Variants in DPP6 observed in about 807,000 individuals in gnomAD.
DPP6 encodes dipeptidyl peptidase like 6.
A neutral mutation model predicts 122.6 loss-of-function variants in DPP6; 69 were observed. The observed-to-expected ratio is 0.56, with a 90% CI of 0.46 to 0.69. The LOEUF is 0.69. Ranked by LOEUF, DPP6 falls within the 30% of genes least tolerant of loss-of-function variation. The pLI is 0.00. For synonymous variants in DPP6, 418 were observed against 433.1 expected (o/e 0.97, Z 0.43); for missense variants, 928 against 1,116.9 (o/e 0.83, Z 2.41).
At chr7:153,859,682 A>C in the DPP6 span, among the ~76,000 whole-genome samples, 1 of 152,216 alleles carries the variant, frequency 6.6e-6, no homozygotes, top group South Asian at 2.1e-4. Flanking sequence ...GCTATGAAGA[A>C]ATACCCAGAC....
intron 3 of DPP6, among the ~76,000 whole-genome samples, chr7:154,497,992 G>A (rs1308739863): frequency 6.6e-6 from 1 of 152,106 alleles, no homozygotes; most frequent in African/African-American, 2.4e-5. Context: ...TCTCTATCAT[G>A]GCAATCAGAA....
intron 1 of DPP6, among the ~76,000 whole-genome samples, chr7:154,128,547 G>GCC (rs779655818): frequency 2.3e-3 from 343 of 152,134 alleles, no homozygotes; most frequent in Non-Finnish European, 3.8e-3. Flanking sequence ...GACTACAGGC[G>GCC]CCCGCCACCG....
At chr7:153,907,077 A>G (rs1294636923) in intron 1 of DPP6, among the ~76,000 whole-genome samples, 2 of 152,208 alleles carry the variant, frequency 1.3e-5, no homozygotes, top group Non-Finnish European at 2.9e-5. Flanking sequence ...AGAAATTTCC[A>G]TACTGTTTCC....
chr7:154,680,196 G>A (rs1382881853), intron 7 of DPP6, among the ~76,000 whole-genome samples: 1 of 152,164 alleles, frequency 6.6e-6, no homozygotes. Flanking sequence ...GACATCAGGA[G>A]GAGGTGGAGA....
chr7:154,364,424 C>T (rs552326662), intron 1 of DPP6, among the ~76,000 whole-genome samples: 85 of 152,248 alleles, frequency 5.6e-4, no homozygotes, highest in African/African-American at 2.0e-3. Flanking sequence ...TTGAATTACC[C>T]AGTTCATGTA....
chr7:154,085,827 A>G (rs991609054), intron 1 of DPP6, among the ~76,000 whole-genome samples: 2 of 152,202 alleles, frequency 1.3e-5, no homozygotes, highest in African/African-American at 4.8e-5. Context: ...TTCCAGGTTC[A>G]AGCGGTTCTT....
chr7:154,497,229 T>C (rs1824822155), intron 3 of DPP6, among the ~76,000 whole-genome samples: 1 of 152,150 alleles, frequency 6.6e-6, no homozygotes, highest in African/African-American at 2.4e-5. Context: ...CTCTTCTAGT[T>C]TGTACTATAC....
intron 1 of DPP6, among the ~76,000 whole-genome samples, chr7:154,395,237 A>G (rs1389029698): frequency 6.6e-6 from 1 of 152,092 alleles, no homozygotes; most frequent in African/African-American, 2.4e-5. Flanking sequence ...TGCCTTCTTG[A>G]CCTAATCAAC....
At chr7:153,896,044 G>T (rs1390213480) in intron 1 of DPP6, among the ~76,000 whole-genome samples, 2 of 152,216 alleles carry the variant, frequency 1.3e-5, no homozygotes, top group Admixed American at 6.5e-5. Flanking sequence ...ACTGCACTGG[G>T]TCTCACTACG....
chr7:154,832,225 G>A (rs1800687227), intron 16 of DPP6, among the ~76,000 whole-genome samples: 1 of 152,184 alleles, frequency 6.6e-6, no homozygotes, highest in South Asian at 2.1e-4. Context: ...AGGGGCTTGT[G>A]TTGGAGGGAG....
Position 153,997,590 on chromosome 7 carries a change from A to G in DPP6, c.51+109856A>G, listed in dbSNP as rs1385512849. On this transcript the variant is annotated intron_variant, in intron 1 of 25. Coordinates refer to the DPP6 transcript ENST00000404039. ...TTTTATTCTCTTTGAGTATGAGTGC[A>G]CAGCACACACACACACACACACACA... Among the ~76,000 whole-genome samples, 5 of 35,080 alleles carry G rather than the reference A, an allele frequency of 1.4e-4. No homozygotes were observed. In the East Asian group the frequency reaches 3.1e-3, roughly 22 times the overall value. The allele number at this position is 35,080 out of a possible 152,430, so 23.0% of individuals were successfully genotyped here.
chr7:154,288,575 GTCA>G (rs999232547), intron 1 of DPP6, among the ~76,000 whole-genome samples: 34 of 152,308 alleles, frequency 2.2e-4, no homozygotes, highest in African/African-American at 8.2e-4. Flanking sequence ...GTTGAACAAT[GTCA>G]TCATGTGTAA....
intron 4 of DPP6, among the ~76,000 whole-genome samples, chr7:154,562,460 A>G (rs79364058): frequency 1.2e-3 from 187 of 152,294 alleles, no homozygotes; most frequent in African/African-American, 4.4e-3. Flanking sequence ...ACCTGATAAA[A>G]GATATCTATT....
chr7:153,944,443 C>T (rs1218988295), intron 1 of DPP6, among the ~76,000 whole-genome samples: 1 of 152,110 alleles, frequency 6.6e-6, no homozygotes, highest in Non-Finnish European at 1.5e-5. Flanking sequence ...GATGGGAAGG[C>T]AGCGAGAAGA....
At chr7:154,480,485 G>C (rs925993995) in intron 3 of DPP6, among the ~76,000 whole-genome samples, 2 of 152,158 alleles carry the variant, frequency 1.3e-5, no homozygotes, top group African/African-American at 4.8e-5. Flanking sequence ...TTCCTCCTCT[G>C]CCCTGGATAC....
intron 1 of DPP6, among the ~76,000 whole-genome samples, chr7:154,173,252 C>T (rs1379457253): frequency 1.3e-5 from 2 of 152,146 alleles, no homozygotes; most frequent in African/African-American, 2.4e-5. Context: ...GAATGAGACT[C>T]ATCACAATTT....
intron 5 of DPP6, among the ~76,000 whole-genome samples, chr7:154,592,578 C>T (rs2130736127): frequency 6.6e-6 from 1 of 152,072 alleles, no homozygotes; most frequent in African/African-American, 2.4e-5. Flanking sequence ...AGGAAAGTGA[C>T]GTAAGGTAAA....
intron 1 of DPP6, among the ~76,000 whole-genome samples, chr7:153,994,342 G>GT (rs1412830963): frequency 4.6e-5 from 7 of 151,852 alleles, no homozygotes; most frequent in African/African-American, 1.7e-4. Context: ...AACTTCACCT[G>GT]TAATATTCAA....
At chr7:154,062,183 G>T (rs183694105) in intron 1 of DPP6, among the ~76,000 whole-genome samples, 3,254 of 103,338 alleles carry the variant, frequency 0.031, 923 homozygotes, top group African/African-American at 0.11. Flanking sequence ...TTGATCCTAA[G>T]ATCCTTAGGA....
Sources: allele counts gnomAD v4.1 joint callset (sites outside exome capture counted in the v4.1 genomes callset), GRCh38; gene constraint gnomAD v4.1.1; transcripts MANE v1.5; gene names NCBI Gene and HGNC (gene_info 2026-07-23, HGNC 2026-07-21).